Variants in MMP16 observed in about 807,000 individuals in gnomAD.
The protein encoded by MMP16 is matrix metalloproteinase-16.
MMP16 carries 12 observed loss-of-function variants against 67.8 expected under a neutral mutation model. The ratio of observed to expected loss-of-function variants is 0.18; its 90% CI spans 0.11 to 0.29. The LOEUF (loss-of-function observed/expected upper bound fraction) is 0.29, where lower values mean the gene tolerates loss of function less well. Ranked by LOEUF, MMP16 falls within the 10% of genes least tolerant of loss-of-function variation. The pLI, the probability that MMP16 is intolerant of heterozygous loss-of-function variation, is 1.00. For synonymous variants in MMP16, 249 were observed against 255.9 expected, an observed-to-expected ratio of 0.97 and a Z score of 0.26; for missense variants, 475 against 765.7, an observed-to-expected ratio of 0.62 and a Z score of 4.48.
intron 1 of MMP16, among the ~76,000 whole-genome samples, chr8:88,253,949 C>G (rs955179823): frequency 1.3e-5 from 2 of 151,988 alleles, no homozygotes; most frequent in Non-Finnish European, 2.9e-5. Flanking sequence ...ACCCAGCAAT[C>G]CCATTACTGG....
At chr8:88,201,436 G>A (rs1809343798) in intron 1 of MMP16, among the ~76,000 whole-genome samples, 1 of 152,016 alleles carries the variant, frequency 6.6e-6, no homozygotes, top group South Asian at 2.1e-4. Flanking sequence ...CCAAAGTACA[G>A]TACTCATATG....
At chr8:88,229,312 G>T (rs898855659) in intron 1 of MMP16, among the ~76,000 whole-genome samples, 1 of 152,046 alleles carries the variant, frequency 6.6e-6, no homozygotes, top group Non-Finnish European at 1.5e-5. Context: ...ATGCAGTTCT[G>T]TGAGATGACC....
chr8:88,222,426 C>T (rs555371027), intron 1 of MMP16, among the ~76,000 whole-genome samples: 17 of 152,192 alleles, frequency 1.1e-4, no homozygotes, highest in African/African-American at 2.9e-4. Flanking sequence ...GGAGGCATCA[C>T]GCTACCTGAC....
chr8:88,177,517 T>G (rs1334133188), intron 3 of MMP16, among the ~76,000 whole-genome samples: 4 of 152,154 alleles, frequency 2.6e-5, no homozygotes, highest in Non-Finnish European at 5.9e-5. Flanking sequence ...CTCTACACTT[T>G]ACGTGTTTTA....
At chr8:88,187,706 C>T (rs1201682830) in intron 2 of MMP16, among the ~76,000 whole-genome samples, 1 of 152,130 alleles carries the variant, frequency 6.6e-6, no homozygotes, top group Non-Finnish European at 1.5e-5. Context: ...CTTTTACAAA[C>T]ATAATAACTT....
chr8:88,288,856 C>T (rs1190101609), intron 1 of MMP16, among the ~76,000 whole-genome samples: 1 of 152,292 alleles, frequency 6.6e-6, no homozygotes, highest in East Asian at 1.9e-4. Context: ...AGTCATTTAT[C>T]ACACTCATTT....
chr8:88,244,401 A>T (rs1015518799), intron 1 of MMP16, among the ~76,000 whole-genome samples: 2 of 152,230 alleles, frequency 1.3e-5, no homozygotes, highest in African/African-American at 4.8e-5. Context: ...TCTGGCAATG[A>T]AATACTGAAA....
chr8:88,195,273 T>C (rs945430398), intron 2 of MMP16, among the ~76,000 whole-genome samples: 3 of 152,296 alleles, frequency 2.0e-5, no homozygotes, highest in African/African-American at 7.2e-5. Context: ...ATGTACCTTT[T>C]CTAGGACTCC....
chr8:88,159,455 C>G (rs567852139), intron 4 of MMP16, among the ~76,000 whole-genome samples: 109 of 152,230 alleles, frequency 7.2e-4, no homozygotes, highest in African/African-American at 2.4e-3. Flanking sequence ...CATGATTTGG[C>G]TCTCTGTTTG....
rs1252028530 is a variant in MMP16, at chr8:88,041,712, T to C, written c.1573A>G (p.Ile525Val). 1 of 1,614,026 alleles carries C rather than the reference T, an allele frequency of 6.2e-7. No homozygotes were observed. Among genetic ancestry groups the C allele is most frequent in the Admixed American group, 1.7e-5 (1 of 59,972 alleles). Residue 525 changes from isoleucine to valine, a missense_variant, in exon 10 of 10, where the codon ATC becomes GTC. Around this residue, in one of 5 missense-constraint regions of MMP16, gnomAD observed 23 missense variants for 79.1 expected, o/e 0.29. Transcript: ENST00000286614. The surrounding 1 kb of genome is among the most constrained non-coding windows in gnomAD (Gnocchi z 6.0). ...TCACAGCCCATAAAATCCTTGAGGA[T>C]GGATCTTGGATATCCAGGTTCTACC... ...LKVEPGYPRSILKDFMGCDGP... is the reference protein window; with the variant it reads ...LKVEPGYPRSVLKDFMGCDGP...
intron 1 of MMP16, among the ~76,000 whole-genome samples, chr8:88,204,635 T>C (rs565643365): frequency 1.3e-5 from 2 of 152,252 alleles, no homozygotes; most frequent in South Asian, 4.2e-4. Flanking sequence ...TATACATAAT[T>C]TTAGTGATTT....
intron 1 of MMP16, among the ~76,000 whole-genome samples, chr8:88,323,913 C>A (rs1410633860): frequency 6.6e-6 from 1 of 152,042 alleles, no homozygotes; most frequent in Non-Finnish European, 1.5e-5. Flanking sequence ...GACCAATGAA[C>A]ACCTCTGATT....
chr8:88,271,312 T>C (rs1284591931), intron 1 of MMP16, among the ~76,000 whole-genome samples: 1 of 152,232 alleles, frequency 6.6e-6, no homozygotes, highest in Non-Finnish European at 1.5e-5. Flanking sequence ...TGCACCATTC[T>C]TCCATAACTT....
chr8:88,217,903 CTG>C (rs1809619494), intron 1 of MMP16, among the ~76,000 whole-genome samples: 1 of 152,048 alleles, frequency 6.6e-6, no homozygotes, highest in African/African-American at 2.4e-5. Context: ...ATGCATATGT[CTG>C]TGTGAACTTG....
Position 88,327,295 on chromosome 8 carries a change from A to T in MMP16, c.-89T>A. On this transcript the variant is annotated 5_prime_UTR_variant, in exon 1 of 10. Coordinates refer to ENST00000286614, the MANE Select transcript of MMP16 (RefSeq NM_005941.5). The stretch of plus-strand genomic sequence containing the variant: ...CCCTCCCTCGTTTCCTTTCAAAAAA[A>T]AGTCCTCCGGGTGGGTAAGGAGCCT... The T allele has an allele frequency of 1.3e-6, 2 of 1,574,328 alleles. No homozygotes were observed. Among genetic ancestry groups the T allele is most frequent in the South Asian group, 2.2e-5 (2 of 88,984 alleles).
rs538407749 is a variant in MMP16, at chr8:88,278,497, G to A, written c.132+48578C>T. On this transcript the variant is annotated intron_variant, in intron 1 of 9. Coordinates refer to ENST00000286614, the MANE Select transcript of MMP16 (RefSeq NM_005941.5). ...AAAACCAAATCTTTAAAGTGCTGCAGAAGCTACATTAATTACCATGGAAGA... is the reference window on the plus strand; with the variant it reads ...AAAACCAAATCTTTAAAGTGCTGCAAAAGCTACATTAATTACCATGGAAGA... Among the ~76,000 whole-genome samples the A allele has an allele frequency of 3.9e-5, 6 of 152,274 alleles. No homozygotes were observed. In the South Asian group the frequency reaches 1.2e-3, roughly 32 times the overall value.
At chr8:88,265,045 G>A (rs1205773035) in intron 1 of MMP16, among the ~76,000 whole-genome samples, 2 of 152,066 alleles carry the variant, frequency 1.3e-5, no homozygotes, top group Admixed American at 6.6e-5. Flanking sequence ...GAGAAAATGA[G>A]CTGATCAAAT....
intron 1 of MMP16, among the ~76,000 whole-genome samples, chr8:88,256,404 T>C (rs1270517109): frequency 6.6e-6 from 1 of 152,124 alleles, no homozygotes; most frequent in African/African-American, 2.4e-5. Context: ...CCTCCAATCT[T>C]AAATGATCCA....
At chr8:88,044,274 T>C (rs992480839) in intron 9 of MMP16, among the ~76,000 whole-genome samples, 1 of 152,138 alleles carries the variant, frequency 6.6e-6, no homozygotes, top group Non-Finnish European at 1.5e-5. Flanking sequence ...ACAGGAGTTA[T>C]AGACCAGCCT....
Sources: gnomAD v4.1 joint callset for allele counts (sites outside exome capture counted in the v4.1 genomes callset) on GRCh38, gnomAD v4.1.1 for gene constraint, gnomAD v4.1.1 regional missense constraint, Gnocchi (gnomAD v3.1) non-coding constraint, MANE v1.5 for transcripts, NCBI Gene and HGNC (gene_info 2026-07-23, HGNC 2026-07-21) for gene names.